Variants in PPP1R9A observed in about 807,000 individuals in gnomAD.
The protein encoded by PPP1R9A is protein phosphatase 1 regulatory subunit 9A.
A neutral mutation model predicts 141.9 loss-of-function variants in PPP1R9A; 59 were observed. The observed-to-expected ratio is 0.42, with a 90% confidence interval of 0.34 to 0.52. The LOEUF (loss-of-function observed/expected upper bound fraction) is 0.52, where lower values mean the gene tolerates loss of function less well. PPP1R9A is among the 20% of genes least tolerant of loss of function. The pLI is 0.10. For synonymous variants in PPP1R9A, 500 were observed against 569.7 expected, an observed-to-expected ratio of 0.88 and a Z score of 1.74; for missense variants, 1,444 against 1,611.9, an observed-to-expected ratio of 0.90 and a Z score of 1.78.
chr7:95,127,729 C>T (rs976058269), intron 4 of PPP1R9A, among the ~76,000 whole-genome samples: 1 of 152,032 alleles, frequency 6.6e-6, no homozygotes, highest in Non-Finnish European at 1.5e-5. Flanking sequence ...TCCATGATTA[C>T]CCAGGATTTA....
rs143000421 is a variant in PPP1R9A, at chr7:95,096,594, A to G, written c.1396-14665A>G. Among the ~76,000 whole-genome samples the G allele has an allele frequency of 3.2e-3, 479 of 151,688 alleles. 1 individual carries two copies. Among genetic ancestry groups the G allele is most frequent in the Non-Finnish European group, 5.3e-3 (360 of 67,894 alleles). ...TGGTTCTCTCTAATCTTCTTTGTAA[A>G]CTCCCATTCTCTGAAAGACAAATGC... is the stretch of plus-strand genomic sequence containing the variant. On this transcript the variant is annotated intron_variant, in intron 2 of 19. Coordinates refer to ENST00000433360, the MANE Select transcript of PPP1R9A (RefSeq NM_001166160.2).
In PPP1R9A at chr7:95,274,082, C is replaced by CA. The variant is rs1357311500; in HGVS notation, c.3213-2dup. On this transcript the variant is annotated splice_region_variant and splice_polypyrimidine_tract_variant and intron_variant, in intron 15 of 19. Transcript: ENST00000433360. ...CCTTTCTGACTGCTTACTATCATTA[C>CA]AGGGCGCCTTTGCGAAGGAATTCCA... The CA allele has an allele frequency of 1.3e-6, 2 of 1,567,912 alleles. No individual in the cohort carries two copies. Among genetic ancestry groups the CA allele is most frequent in the Non-Finnish European group, 1.7e-6 (2 of 1,157,306 alleles).
chr7:95,276,173 C>T (rs1803153766), intron 16 of PPP1R9A, among the ~76,000 whole-genome samples: 1 of 152,154 alleles, frequency 6.6e-6, no homozygotes, highest in East Asian at 1.9e-4. Flanking sequence ...CCTTTGGTCT[C>T]TGGGCTTTGA....
intron 6 of PPP1R9A, among the ~76,000 whole-genome samples, chr7:95,201,666 T>C (rs1177453653): frequency 6.6e-6 from 1 of 152,232 alleles, no homozygotes; most frequent in Non-Finnish European, 1.5e-5. Flanking sequence ...ATTGGATAGC[T>C]AATGGATAAA....
At chr7:95,163,601 A>G (rs1276888935) in intron 5 of PPP1R9A, among the ~76,000 whole-genome samples, 2 of 152,162 alleles carry the variant, frequency 1.3e-5, no homozygotes, top group Admixed American at 1.3e-4. Flanking sequence ...GCTCTAATGA[A>G]TATTTCCTTT....
At chr7:95,210,870 C>G (rs1477948917) in intron 7 of PPP1R9A, among the ~76,000 whole-genome samples, 1 of 151,972 alleles carries the variant, frequency 6.6e-6, no homozygotes, top group Non-Finnish European at 1.5e-5. Context: ...AGCTGGAAAC[C>G]ATCATTCTTA....
At chr7:95,100,673 G>A (rs1043018370) in intron 2 of PPP1R9A, among the ~76,000 whole-genome samples, 1 of 152,134 alleles carries the variant, frequency 6.6e-6, no homozygotes, top group Non-Finnish European at 1.5e-5. Context: ...CCACAGCCTT[G>A]TGTGAGGAAA....
intron 2 of PPP1R9A, among the ~76,000 whole-genome samples, chr7:95,034,485 C>T (rs1028009807): frequency 6.6e-6 from 1 of 152,138 alleles, no homozygotes; most frequent in African/African-American, 2.4e-5. Context: ...TCTCATGCCT[C>T]AGCCTCCCGA....
At chr7:95,017,956 T>C (rs1468935745) in intron 2 of PPP1R9A, among the ~76,000 whole-genome samples, 1 of 152,206 alleles carries the variant, frequency 6.6e-6, no homozygotes, top group Non-Finnish European at 1.5e-5. Flanking sequence ...AGATAGTGCC[T>C]TTCTCTGGGA....
At chr7:95,190,375 C>A (rs1835317160) in intron 5 of PPP1R9A, among the ~76,000 whole-genome samples, 1 of 152,158 alleles carries the variant, frequency 6.6e-6, no homozygotes, top group Non-Finnish European at 1.5e-5. Flanking sequence ...GTGATGTGAT[C>A]CTTCTTCAGG....
At chr7:95,196,089 GTGTA>G (rs1554553837) in intron 5 of PPP1R9A, among the ~76,000 whole-genome samples, 1 of 151,776 alleles carries the variant, frequency 6.6e-6, no homozygotes, top group Non-Finnish European at 1.5e-5. Flanking sequence ...GTGTGTGTGT[GTGTA>G]TGTGTATTTT....
chr7:95,290,050 T>G (rs17166759), intron 19 of PPP1R9A, 41 bp from the exon 20 acceptor site: 1 of 1,605,924 alleles, frequency 6.2e-7, no homozygotes, highest in Non-Finnish European at 8.5e-7. Context: ...AGAGGGCTCA[T>G]TGGTTTTCAA....
At chr7:95,252,712 C>G (rs1799062999) in intron 12 of PPP1R9A, among the ~76,000 whole-genome samples, 1 of 152,134 alleles carries the variant, frequency 6.6e-6, no homozygotes, top group African/African-American at 2.4e-5. Flanking sequence ...AGGTGATCCA[C>G]CTGCCTTGGC....
intron 4 of PPP1R9A, among the ~76,000 whole-genome samples, chr7:95,142,501 T>C (rs948013990): frequency 3.3e-5 from 5 of 152,062 alleles, no homozygotes; most frequent in South Asian, 2.1e-4. Context: ...TATATTTAGG[T>C]CTATGATCCA....
chr7:95,128,321 A>C (rs568200471), intron 4 of PPP1R9A, among the ~76,000 whole-genome samples: 1 of 152,256 alleles, frequency 6.6e-6, no homozygotes, highest in East Asian at 1.9e-4. Flanking sequence ...TCTATTGAGA[A>C]GTGCTGTTTA....
intron 2 of PPP1R9A, among the ~76,000 whole-genome samples, chr7:95,007,351 A>G (rs190886561): frequency 9.2e-5 from 14 of 152,280 alleles, no homozygotes; most frequent in South Asian, 4.1e-4. Context: ...CCTCACCCCA[A>G]TAGATGCCAG....
intron 2 of PPP1R9A, among the ~76,000 whole-genome samples, chr7:94,974,270 G>A (rs965366634): frequency 2.0e-5 from 3 of 152,158 alleles, no homozygotes; most frequent in Non-Finnish European, 4.4e-5. Flanking sequence ...TTTAAAGGCA[G>A]TCTCGGCATT....
intron 4 of PPP1R9A, among the ~76,000 whole-genome samples, chr7:95,134,881 AATCTCTAGTCTTTGTG>A (rs1442577305): frequency 6.6e-6 from 1 of 152,176 alleles, no homozygotes; most frequent in Non-Finnish European, 1.5e-5. Flanking sequence ...AATTTTCAAT[AATCTCTAGTCTTTGTG>A]AGGGTCATAT....
chr7:94,966,962 G>A (rs868270136), intron 2 of PPP1R9A, among the ~76,000 whole-genome samples: 1 of 152,010 alleles, frequency 6.6e-6, no homozygotes, highest in African/African-American at 2.4e-5. Flanking sequence ...TTTTTCGTTG[G>A]TAGGCTATTA....
Sources: gnomAD v4.1 joint callset for allele counts (sites outside exome capture counted in the v4.1 genomes callset) on GRCh38, gnomAD v4.1.1 for gene constraint, MANE v1.5 for transcripts, NCBI Gene and HGNC (gene_info 2026-07-23, HGNC 2026-07-21) for gene names.